The following DNAH8 variants were observed in gnomAD, a reference collection of about 807,000 sequenced individuals.
The protein encoded by DNAH8 is dynein axonemal heavy chain 8.
A neutral mutation model predicts 562.1 loss-of-function variants in DNAH8; 382 were observed. That is an observed-to-expected ratio of 0.68 (90% CI 0.63 to 0.74). The LOEUF is 0.74. Ranked by LOEUF, DNAH8 falls within the 30% of genes least tolerant of loss-of-function variation. The pLI is 0.00. For synonymous variants in DNAH8, 1,881 were observed against 1,919.4 expected (o/e 0.98, Z 0.52); for missense variants, 5,203 against 5,620.4 (o/e 0.93, Z 2.37).
At chr6:38,949,674 T>C (rs997869161) in intron 81 of DNAH8, 104 bp downstream of exon 81, 1 of 702,576 alleles carries the variant, frequency 1.4e-6, no homozygotes, top group Non-Finnish European at 2.4e-6. Flanking sequence ...TCATTGAAAG[T>C]AACGGCAAAA....
rs138747863 is a variant in DNAH8, at chr6:38,846,021, T to C, written c.5045+248T>C. ...CCATCCTAATTATTCCTCCCCAGAC[T>C]GGCATCTTGTCCTCTGAAGGTCTTG... On this transcript the variant is annotated intron_variant, in intron 36 of 92. Transcript: ENST00000327475. Among the ~76,000 whole-genome samples, 940 of 152,212 alleles carry C rather than the reference T, an allele frequency of 6.2e-3. 13 individuals carry two copies. The highest frequency in any genetic ancestry group is 0.022 in the African/African-American group (896 of 41,528).
chr6:38,895,089 C>T (rs753734993), intron 59 of DNAH8, among the ~76,000 whole-genome samples: 6 of 151,968 alleles, frequency 3.9e-5, no homozygotes, highest in African/African-American at 7.3e-5. Context: ...CCACCATGGC[C>T]GGCTATTTTG....
At chr6:38,741,096 A>G (rs1315558551) in intron 7 of DNAH8, among the ~76,000 whole-genome samples, 1 of 152,046 alleles carries the variant, frequency 6.6e-6, no homozygotes, top group Admixed American at 6.6e-5. Flanking sequence ...TTGGTTTTAA[A>G]GTGATATTTT....
chr6:38,982,570 GCCC>G (rs1219319878), intron 86 of DNAH8, 108 bp downstream of exon 86: 5 of 671,938 alleles, frequency 7.4e-6, no homozygotes, highest in Admixed American at 6.6e-5. Context: ...GCCCCATGGA[GCCC>G]CCTTTGAAGG....
intron 88 of DNAH8, among the ~76,000 whole-genome samples, chr6:38,990,681 C>T (rs1400081893): frequency 4.6e-5 from 7 of 152,162 alleles, no homozygotes; most frequent in South Asian, 2.1e-4. Context: ...GGGTGCAGTG[C>T]GGTGAGCACT....
At chr6:38,846,171 C>A (rs1476813366) in intron 36 of DNAH8, among the ~76,000 whole-genome samples, 1 of 152,152 alleles carries the variant, frequency 6.6e-6, no homozygotes, top group Non-Finnish European at 1.5e-5. Context: ...TGCTGGCCAC[C>A]CGTGAGAGCA....
At chr6:38,920,738 CATAAA>C (rs1165708393) in intron 70 of DNAH8, among the ~76,000 whole-genome samples, 1 of 151,968 alleles carries the variant, frequency 6.6e-6, no homozygotes, top group Non-Finnish European at 1.5e-5. Context: ...TTGGGACCTT[CATAAA>C]ATGAAATGAA....
chr6:38,755,917 G>T, intron 9 of DNAH8, 55 bp from the exon 10 acceptor site: 1 of 980,202 alleles, frequency 1.0e-6, no homozygotes, highest in East Asian at 2.4e-5. Context: ...ATAGAATATT[G>T]GTTATTAAAA....
chr6:38,807,786 TATTA>T (rs1771423288), intron 24 of DNAH8, 70 bp downstream of exon 24: 1 of 746,700 alleles, frequency 1.3e-6, no homozygotes, highest in East Asian at 3.4e-5. Context: ...CTTATAAATT[TATTA>T]ATTAAAAAAA....
At chr6:38,876,137 AAC>A (rs1315934825) in intron 53 of DNAH8, among the ~76,000 whole-genome samples, 42 of 152,174 alleles carry the variant, frequency 2.8e-4, no homozygotes, top group Non-Finnish European at 1.3e-4. Context: ...CAGCGTGGAG[AAC>A]ACAGATTCTT....
chr6:38,960,842 C>T (rs967992967), intron 82 of DNAH8, among the ~76,000 whole-genome samples: 13 of 151,458 alleles, frequency 8.6e-5, no homozygotes, highest in Non-Finnish European at 1.2e-4. Flanking sequence ...TTTAAAAAAA[C>T]GAAGTGAAAT....
At chr6:38,983,749 G>GA (rs1350039214) in intron 86 of DNAH8, among the ~76,000 whole-genome samples, 1 of 152,236 alleles carries the variant, frequency 6.6e-6, no homozygotes, top group South Asian at 2.1e-4. Context: ...TTGCATTGAG[G>GA]AAAAATCTTG....
intron 70 of DNAH8, among the ~76,000 whole-genome samples, chr6:38,919,777 G>A (rs2050180): frequency 0.071 from 10,829 of 152,040 alleles, 971 homozygotes; most frequent in African/African-American, 0.2. Flanking sequence ...GAAAATAAGC[G>A]AGTTACCAAA....
At chr6:38,885,765 T>A (rs1299632006) in intron 56 of DNAH8, among the ~76,000 whole-genome samples, 1 of 152,242 alleles carries the variant, frequency 6.6e-6, no homozygotes, top group East Asian at 1.9e-4. Context: ...TCTTGGCTTA[T>A]ATATCATGTC....
At chr6:39,014,689 G>T (rs1378843776) in intron 91 of DNAH8, among the ~76,000 whole-genome samples, 1 of 152,210 alleles carries the variant, frequency 6.6e-6, no homozygotes, top group Non-Finnish European at 1.5e-5. Flanking sequence ...CAAAAAAAGA[G>T]CGGGTGCTTT....
intron 91 of DNAH8, among the ~76,000 whole-genome samples, chr6:39,015,389 G>A (rs544671709): frequency 1.2e-4 from 18 of 152,202 alleles, no homozygotes; most frequent in African/African-American, 4.1e-4. Context: ...AGATTCACAT[G>A]ATATGGTTTG....
At position 38,837,953 on chromosome 6, in the gene DNAH8, T is replaced by C; in HGVS notation, c.4377T>C (p.Asp1459=). The change falls in exon 33 of 93, where the codon GAT becomes GAC. Residue 1459 remains aspartate, a synonymous_variant. Coordinates refer to ENST00000327475, the MANE Select transcript of DNAH8 (RefSeq NM_001206927.2). ...AACCTTTGTTACAGGCCAGTTTCGA[T>C]GATCTGTGGAGGAAATTTGTTACGT... ...NRLQIFQASF[D]DLWRKFVTYS... is the part of the protein sequence containing the mutation. 1 of 1,611,572 alleles carries C rather than the reference T, an allele frequency of 6.2e-7. No homozygotes were observed. Among genetic ancestry groups the C allele is most frequent in the Non-Finnish European group, 8.5e-7 (1 of 1,178,248 alleles).
In DNAH8 at chr6:38,860,634, G is replaced by T; in HGVS notation, c.6131+5G>T. On this transcript the variant is annotated splice_donor_5th_base_variant and intron_variant, in intron 43 of 92. Transcript: ENST00000327475. ...TATCACTCCATTAACAGATAGGTAG[G>T]AAACCCAGTTTTCGTTTTTTATTTT... The T allele has an allele frequency of 6.7e-7, 1 of 1,499,126 alleles. No homozygotes were observed. The highest frequency in any genetic ancestry group is 1.4e-5 in the South Asian group (1 of 70,758). 92.9% of individuals were successfully genotyped at this position (1,499,126 alleles called of 1,614,324 possible).
At chr6:38,802,550 C>G (rs1198782587) in intron 21 of DNAH8, among the ~76,000 whole-genome samples, 1 of 152,194 alleles carries the variant, frequency 6.6e-6, no homozygotes, top group South Asian at 2.1e-4. Context: ...TTTAGAAAGA[C>G]AAAGTGCAGG....
Sources: allele counts gnomAD v4.1 joint callset (sites outside exome capture counted in the v4.1 genomes callset), GRCh38; gene constraint gnomAD v4.1.1; transcripts MANE v1.5; gene names NCBI Gene and HGNC (gene_info 2026-07-23, HGNC 2026-07-21).